EPHA4: variants seen among roughly 807,000 people sequenced by gnomAD.
EPHA4 encodes the protein EPH receptor A4.
Under a neutral mutation model 108.3 loss-of-function variants are expected in EPHA4, and 19 were observed. The ratio of observed to expected loss-of-function variants is 0.18; its 90% CI spans 0.12 to 0.26. The LOEUF is 0.26. EPHA4 is among the 10% of genes least tolerant of loss of function. EPHA4 has a pLI of 1.00. For synonymous variants in EPHA4, 449 were observed against 455.5 expected (o/e 0.99, Z 0.18); for missense variants, 917 against 1,254.0 (o/e 0.73, Z 4.06).
At chr2:221,515,385 A>G (rs892289446) in intron 3 of EPHA4, among the ~76,000 whole-genome samples, 6 of 152,330 alleles carry the variant, frequency 3.9e-5, no homozygotes, top group Admixed American at 3.3e-4. Context: ...ATGAGCCACC[A>G]CGGCCAGCCA....
chr2:221,570,248 C>A (rs1694786276), intron 1 of EPHA4, among the ~76,000 whole-genome samples: 1 of 151,876 alleles, frequency 6.6e-6, no homozygotes, highest in African/African-American at 2.4e-5. Context: ...AACAGACCTC[C>A]CTCCCTCCCC....
At chr2:221,432,061 C>A (rs1355012219) in intron 14 of EPHA4, among the ~76,000 whole-genome samples, 1 of 151,546 alleles carries the variant, frequency 6.6e-6, no homozygotes, top group Admixed American at 6.6e-5. Flanking sequence ...GCTTCAGATG[C>A]CTTTTCGTGG....
At chr2:221,446,275 G>A in intron 8 of EPHA4, 94 bp from the exon 9 acceptor site, 1 of 648,500 alleles carries the variant, frequency 1.5e-6, no homozygotes, top group Non-Finnish European at 2.4e-6. Flanking sequence ...CTGTAAGTCA[G>A]GCAGGTATGC....
chr2:221,499,717 TA>T, intron 4 of EPHA4, among the ~76,000 whole-genome samples: 1 of 42,642 alleles, frequency 2.3e-5, no homozygotes. Flanking sequence ...CTAAAACTAA[TA>T]TATATATATA....
At chr2:221,525,882 G>A (rs1693308814) in intron 3 of EPHA4, among the ~76,000 whole-genome samples, 2 of 152,070 alleles carry the variant, frequency 1.3e-5, no homozygotes, top group African/African-American at 2.4e-5. Flanking sequence ...TAGAAATAAT[G>A]TATAATTCTT....
chr2:221,556,042 C>A (rs890622659), intron 3 of EPHA4, among the ~76,000 whole-genome samples: 1 of 152,212 alleles, frequency 6.6e-6, no homozygotes, highest in Non-Finnish European at 1.5e-5. Flanking sequence ...TAGTTCTCAA[C>A]ATTTTCGGCC....
chr2:221,536,713 A>G (rs188945799), intron 3 of EPHA4, among the ~76,000 whole-genome samples: 2 of 152,238 alleles, frequency 1.3e-5, no homozygotes, highest in Non-Finnish European at 2.9e-5. Context: ...TCAGGACAAC[A>G]AAGATGTGCT....
chr2:221,559,584 T>A (rs548044195), intron 3 of EPHA4, among the ~76,000 whole-genome samples: 9 of 152,204 alleles, frequency 5.9e-5, no homozygotes, highest in African/African-American at 1.4e-4. Flanking sequence ...TAAAAAAAAA[T>A]TTAATGGAAT....
At chr2:221,566,060 C>G (rs528480300) in intron 2 of EPHA4, among the ~76,000 whole-genome samples, 4 of 152,146 alleles carry the variant, frequency 2.6e-5, no homozygotes, top group Non-Finnish European at 5.9e-5. Flanking sequence ...ACTCAATATA[C>G]TCTTTTAAGT....
At chr2:221,530,390 C>T (rs1693470976) in intron 3 of EPHA4, among the ~76,000 whole-genome samples, 1 of 152,194 alleles carries the variant, frequency 6.6e-6, no homozygotes, top group Non-Finnish European at 1.5e-5. Flanking sequence ...TCGGCATTAA[C>T]CATTATAGAG....
chr2:221,442,722 T>TAGCAATCAGTGGGTCTGCGCCATCTGTC, intron 11 of EPHA4, 107 bp downstream of exon 11: 1 of 1,136,564 alleles, frequency 8.8e-7, no homozygotes, highest in Non-Finnish European at 1.3e-6. Flanking sequence ...TTCCTCCTAT[T>TAGCAATCAGTGGGTCTGCGCCATCTGTC]AGCAATCAGT....
chr2:221,431,545 C>T (rs1203133450), intron 14 of EPHA4, among the ~76,000 whole-genome samples: 1 of 152,174 alleles, frequency 6.6e-6, no homozygotes, highest in Non-Finnish European at 1.5e-5. Context: ...GTAAAGCAGA[C>T]TTCTCTATGC....
At chr2:221,509,174 C>T (rs1312080340) in intron 3 of EPHA4, among the ~76,000 whole-genome samples, 1 of 152,042 alleles carries the variant, frequency 6.6e-6, no homozygotes, top group Non-Finnish European at 1.5e-5. Flanking sequence ...ACTAAAAATA[C>T]AAAATTAGCC....
intron 4 of EPHA4, among the ~76,000 whole-genome samples, chr2:221,494,283 T>A (rs1390515363): frequency 5.3e-5 from 8 of 152,182 alleles, no homozygotes; most frequent in Non-Finnish European, 1.0e-4. Flanking sequence ...TAGCACATTT[T>A]GAAATACAAT....
Position 221,571,176 on chromosome 2 carries a change from GCA to G in EPHA4, c.91+980_91+981del, listed in dbSNP as rs1462971503. Among the ~76,000 whole-genome samples, 11 of 150,840 alleles carry G rather than the reference GCA, an allele frequency of 7.3e-5. No individual in the cohort carries two copies. Among genetic ancestry groups the G allele is most frequent in the Non-Finnish European group, 1.0e-4 (7 of 67,522 alleles). On this transcript the variant is annotated intron_variant, in intron 1 of 17. Coordinates refer to ENST00000281821, the MANE Select transcript of EPHA4 (RefSeq NM_004438.5). This position sits in a 1 kb window ranked among gnomAD's most constrained non-coding sequence, Gnocchi z 6.3. ...CACACAGGCACACACACGCAGACAT[GCA>G]CACACACGCAGACATGCACACACAC...
Position 221,464,245 on chromosome 2 carries a change from A to G in EPHA4, c.1319-6255T>C, listed in dbSNP as rs184912386. On this transcript the variant is annotated intron_variant, in intron 5 of 17. Transcript: ENST00000281821. ...AAATATAAACCCACCATTTATACATATCTCTGCTTAATGCAAATAGCATAT... is the reference window on the plus strand; with the variant it reads ...AAATATAAACCCACCATTTATACATGTCTCTGCTTAATGCAAATAGCATAT... Among the ~76,000 whole-genome samples the G allele has an allele frequency of 2.1e-4, 32 of 152,302 alleles. No homozygotes were observed. In the East Asian group the frequency reaches 4.4e-3, roughly 21 times the overall value.
intron 5 of EPHA4, among the ~76,000 whole-genome samples, chr2:221,466,995 C>T (rs1281349462): frequency 6.6e-6 from 1 of 152,168 alleles, no homozygotes; most frequent in Non-Finnish European, 1.5e-5. Flanking sequence ...CTGTTAGGTA[C>T]AGGGGTATCT....
Position 221,456,666 on chromosome 2 carries a change from G to C in EPHA4, c.1550C>G (p.Thr517Arg). Reference sequence around the variant, plus strand: ...ACTGAAGTCTCCATAGCCAGCTGCTGTCCTGGCTCGCACGTGGAAAACATA... The same window carrying C: ...ACTGAAGTCTCCATAGCCAGCTGCTCTCCTGGCTCGCACGTGGAAAACATA... The part of the protein sequence containing the change: ...TSYVFHVRAR[T>R]AAGYGDFSEP... Residue 517 changes from threonine to arginine, a missense_variant, in exon 7 of 18, where the codon ACA becomes AGA. By Grantham distance (71) the Thr-to-Arg change is moderately conservative. Coordinates refer to ENST00000281821, the MANE Select transcript of EPHA4 (RefSeq NM_004438.5). 6.2e-7 allele frequency: 1 copy of C among 1,613,960 alleles called. No individual in the cohort carries two copies. The highest frequency in any genetic ancestry group is 8.5e-7 in the Non-Finnish European group (1 of 1,179,890).
chr2:221,459,143 G>C (rs1350207903), intron 5 of EPHA4, among the ~76,000 whole-genome samples: 2 of 152,150 alleles, frequency 1.3e-5, no homozygotes, highest in African/African-American at 2.4e-5. Flanking sequence ...GACCATGTCT[G>C]ACGAGTATAC....
Sources: gnomAD v4.1 joint callset for allele counts (sites outside exome capture counted in the v4.1 genomes callset) on GRCh38, gnomAD v4.1.1 for gene constraint, Gnocchi (gnomAD v3.1) non-coding constraint, MANE v1.5 for transcripts, NCBI Gene and HGNC (gene_info 2026-07-23, HGNC 2026-07-21) for gene names.